SLC2A9: variants seen among roughly 807,000 people sequenced by gnomAD.
SLC2A9 encodes solute carrier family 2 member 9.
SLC2A9 carries 39 observed loss-of-function variants against 50.6 expected under a neutral mutation model. That is an observed-to-expected ratio of 0.77 (90% CI 0.60 to 1.01). SLC2A9 has a LOEUF of 1.01. SLC2A9 is among the 50% of genes least tolerant of loss of function. The probability of loss-of-function intolerance (pLI) is 0.00; values close to 1 mark genes in which losing one functional copy is unlikely to be tolerated. For synonymous variants in SLC2A9, 324 were observed against 276.9 expected, an observed-to-expected ratio of 1.17 and a Z score of -1.69; for missense variants, 686 against 677.6, an observed-to-expected ratio of 1.01 and a Z score of -0.14.
chr4:9,950,267 C>A (rs557238267), intron 5 of SLC2A9, among the ~76,000 whole-genome samples: 23 of 152,248 alleles, frequency 1.5e-4, no homozygotes, highest in African/African-American at 5.5e-4. Context: ...TTTGTGATTA[C>A]CTCTCATTTT....
intron 3 of SLC2A9, among the ~76,000 whole-genome samples, chr4:9,802,450 C>T (rs147426605): frequency 3.6e-4 from 55 of 151,304 alleles, no homozygotes; most frequent in African/African-American, 1.3e-3. Context: ...GCTCTGTGGC[C>T]GATATGATAT....
intron 2 of SLC2A9, among the ~76,000 whole-genome samples, chr4:10,011,317 C>T (rs1341427121): frequency 6.6e-6 from 1 of 152,136 alleles, no homozygotes; most frequent in African/African-American, 2.4e-5. Flanking sequence ...AGAGAATGTC[C>T]CTTGGGGCTC....
At chr4:9,790,761 C>G (rs1239254602) in intron 3 of SLC2A9, among the ~76,000 whole-genome samples, 1 of 152,110 alleles carries the variant, frequency 6.6e-6, no homozygotes, top group East Asian at 1.9e-4. Context: ...AGGGCCTAAG[C>G]TTCACTTTTT....
intron 10 of SLC2A9, among the ~76,000 whole-genome samples, chr4:9,835,737 C>T (rs1401083685): frequency 1.3e-5 from 2 of 152,104 alleles, no homozygotes; most frequent in African/African-American, 4.8e-5. Flanking sequence ...AACCAAACAT[C>T]GTATGTTGTC....
intron 5 of SLC2A9, among the ~76,000 whole-genome samples, chr4:9,958,590 T>C (rs1472793605): frequency 2.0e-5 from 3 of 152,192 alleles, no homozygotes; most frequent in African/African-American, 4.8e-5. Context: ...TGTATACCTA[T>C]GTAACAAACC....
At chr4:9,942,730 C>T (rs1748401526) in intron 5 of SLC2A9, among the ~76,000 whole-genome samples, 1 of 152,216 alleles carries the variant, frequency 6.6e-6, no homozygotes, top group Non-Finnish European at 1.5e-5. Flanking sequence ...AAATGAAGCC[C>T]AGAGCACACG....
chr4:9,777,283 C>T (rs1479328846), downstream of SLC2A9, among the ~76,000 whole-genome samples: 3 of 143,342 alleles, frequency 2.1e-5, no homozygotes, highest in South Asian at 2.2e-4. Context: ...GCTCCCTTGC[C>T]CCCGTCTCTG....
intron 3 of SLC2A9, among the ~76,000 whole-genome samples, chr4:9,820,355 G>T (rs1027864641): frequency 2.6e-5 from 4 of 152,160 alleles, no homozygotes; most frequent in Non-Finnish European, 5.9e-5. Flanking sequence ...TGTCCTGATT[G>T]CTGTAGAATT....
At chr4:9,797,848 T>C (rs1209263457), downstream of SLC2A9, among the ~76,000 whole-genome samples, 1 of 152,152 alleles carries the variant, frequency 6.6e-6, no homozygotes, top group Non-Finnish European at 1.5e-5. Flanking sequence ...TAGAGTGCAG[T>C]GGTGCACATG....
chr4:9,865,354 T>TG (rs561432273), intron 10 of SLC2A9, among the ~76,000 whole-genome samples: 25 of 152,360 alleles, frequency 1.6e-4, no homozygotes, highest in African/African-American at 5.8e-4. Context: ...CTGTCATAGA[T>TG]TTTTCTCTAG....
intron 3 of SLC2A9, among the ~76,000 whole-genome samples, chr4:9,801,977 T>C (rs560077255): frequency 7.9e-5 from 12 of 152,272 alleles, no homozygotes; most frequent in Admixed American, 6.5e-4. Flanking sequence ...TCCCAGCTGA[T>C]TGATTGGGCA....
chr4:10,021,400 C>T lies in SLC2A9; in HGVS notation c.30G>A (p.Lys10=), dbSNP rs147368076. 175 of 1,614,244 alleles carry T rather than the reference C, an allele frequency of 1.1e-4. 1 individual carries two copies. The African/African-American group carries it at 1.7e-3, about 16-fold the overall frequency. ...CTGTGAGGGGAACTAGGCCCAGTTC[C>T]TTGGAATTCCTATTTTGTTTCCTTG... MARKQNRNS[K]ELGLVPLTDD... The change falls in exon 1 of 12, where the codon AAG becomes AAA. Residue 10 remains lysine (K), a synonymous_variant. Coordinates refer to ENST00000264784, the MANE Select transcript of SLC2A9 (RefSeq NM_020041.3).
intron 10 of SLC2A9, among the ~76,000 whole-genome samples, chr4:9,835,948 G>T (rs770901007): frequency 4.3e-4 from 66 of 151,868 alleles, no homozygotes; most frequent in Non-Finnish European, 8.1e-4. Flanking sequence ...TTAGCTGGGC[G>T]TGGTGGTGCA....
At position 10,017,934 on chromosome 4, in the gene SLC2A9, A is replaced by G. The variant is rs575412124; in HGVS notation, c.249+1041T>C. Among the ~76,000 whole-genome samples, 35 of 152,080 alleles carry G rather than the reference A, an allele frequency of 2.3e-4. 1 individual carries two copies. In the South Asian group the frequency reaches 6.8e-3, roughly 30 times the overall value. On this transcript the variant is annotated intron_variant, in intron 2 of 11. Transcript: ENST00000264784. ...CCCCGCATTTCCCCAGATGTGTCCTACATCCCGGCCCCCCATCCATCACTC... is the reference window on the plus strand; with the variant it reads ...CCCCGCATTTCCCCAGATGTGTCCTGCATCCCGGCCCCCCATCCATCACTC...
chr4:9,846,784 G>A (rs1020939806), intron 10 of SLC2A9, among the ~76,000 whole-genome samples: 3 of 152,090 alleles, frequency 2.0e-5, no homozygotes, highest in Non-Finnish European at 1.5e-5. Flanking sequence ...GAAATAAAGT[G>A]CACACCCAAA....
At chr4:9,942,566 G>A (rs1339373630) in intron 5 of SLC2A9, among the ~76,000 whole-genome samples, 1 of 152,192 alleles carries the variant, frequency 6.6e-6, no homozygotes, top group Non-Finnish European at 1.5e-5. Context: ...TGGGAGTGAG[G>A]AAGAGGGGGC....
chr4:9,985,914 G>C, intron 3 of SLC2A9, 121 bp from the exon 4 acceptor site: 1 of 1,404,592 alleles, frequency 7.1e-7, no homozygotes, highest in East Asian at 2.4e-5. Flanking sequence ...CTCAGGCACA[G>C]TGCAGGGAGC....
intron 2 of SLC2A9, among the ~76,000 whole-genome samples, chr4:10,002,088 G>A (rs764905110): frequency 2.0e-5 from 3 of 152,196 alleles, no homozygotes; most frequent in African/African-American, 7.2e-5. Context: ...AGCAGCAGGG[G>A]AGCTGCAATG....
intron 3 of SLC2A9, chr4:9,782,051 G>C (rs1179211663): frequency 2.0e-6 from 3 of 1,480,822 alleles, no homozygotes; most frequent in Admixed American, 2.4e-5. Context: ...AGGCAGCAAC[G>C]GCACCGCGTA....
Sources: allele counts gnomAD v4.1 joint callset (sites outside exome capture counted in the v4.1 genomes callset), GRCh38; gene constraint gnomAD v4.1.1; transcripts MANE v1.5; gene names NCBI Gene and HGNC (gene_info 2026-07-23, HGNC 2026-07-21).